The following NFIL3 variants were observed in gnomAD, a reference collection of about 807,000 sequenced individuals.
The protein encoded by NFIL3 is nuclear factor interleukin-3-regulated protein.
Under a neutral mutation model 10.0 loss-of-function variants are expected in NFIL3, and 5 were observed. The ratio of observed to expected loss-of-function variants is 0.50; its 90% CI spans 0.26 to 1.06. The LOEUF (loss-of-function observed/expected upper bound fraction) is 1.06, where lower values mean the gene tolerates loss of function less well. Ranked by LOEUF, NFIL3 falls within the 50% of genes least tolerant of loss-of-function variation. The pLI, the probability that NFIL3 is intolerant of heterozygous loss-of-function variation, is 0.13. For synonymous variants in NFIL3, 202 were observed against 206.5 expected (o/e 0.98, Z 0.19); for missense variants, 436 against 547.6 (o/e 0.80, Z 2.03).
chr9:91,409,949 C>T lies in NFIL3; in HGVS notation c.786G>A (p.Leu262=). The T allele has an allele frequency of 6.2e-7, 1 of 1,613,726 alleles. No individual in the cohort carries two copies. ...AGTTGCTGGAGGATCGGTTGACTTG[C>T]AGTAGTGGGGGAGAGTGTGAGTACC... The part of the protein sequence containing the change: ...FSGYSHSPPL[L]QVNRSSSNSP... Residue 262 remains leucine, a synonymous_variant, in exon 2 of 2, where the codon CTG becomes CTA. Coordinates refer to ENST00000297689, the MANE Select transcript of NFIL3 (RefSeq NM_005384.3).
chr9:91,483,412 C>G, the NFIL3 span, among the ~76,000 whole-genome samples: 1 of 152,118 alleles, frequency 6.6e-6, no homozygotes, highest in Non-Finnish European at 1.5e-5. Context: ...TTCTTCTGTC[C>G]CCAGCAGGAG....
chr9:91,465,481 C>G, the NFIL3 span, among the ~76,000 whole-genome samples: 1 of 143,114 alleles, frequency 7.0e-6, no homozygotes, highest in African/African-American at 2.7e-5. Context: ...CTTGTATTAT[C>G]CATGTTTTTT....
chr9:91,429,369 G>A, the NFIL3 span, among the ~76,000 whole-genome samples: 3 of 152,162 alleles, frequency 2.0e-5, no homozygotes, highest in Non-Finnish European at 4.4e-5. Flanking sequence ...AGCATGGGTT[G>A]ACTAACATGC....
the NFIL3 span, among the ~76,000 whole-genome samples, chr9:91,453,055 C>T: frequency 5.3e-5 from 8 of 152,140 alleles, no homozygotes; most frequent in African/African-American, 1.7e-4. Flanking sequence ...TCTCACAATT[C>T]TGAGGGCTAC....
chr9:91,474,451 T>A, the NFIL3 span, among the ~76,000 whole-genome samples: 1 of 152,190 alleles, frequency 6.6e-6, no homozygotes, highest in South Asian at 2.1e-4. Context: ...TGCTGCTCCT[T>A]GGCTTCTGTT....
At chr9:91,437,716 A>G in the NFIL3 span, among the ~76,000 whole-genome samples, 25 of 152,250 alleles carry the variant, frequency 1.6e-4, no homozygotes, top group African/African-American at 5.5e-4. Flanking sequence ...CTATCTCTGT[A>G]TATATGACTC....
At chr9:91,480,958 A>G in the NFIL3 span, among the ~76,000 whole-genome samples, 1 of 152,338 alleles carries the variant, frequency 6.6e-6, no homozygotes, top group East Asian at 1.9e-4. Flanking sequence ...AAGGGCGCGC[A>G]GAGGGTGACC....
chr9:91,478,252 T>G, the NFIL3 span, among the ~76,000 whole-genome samples: 17 of 152,286 alleles, frequency 1.1e-4, no homozygotes, highest in African/African-American at 3.4e-4. Flanking sequence ...GTTTTCCAGC[T>G]TGGTTCCATT....
chr9:91,469,867 C>T, the NFIL3 span, among the ~76,000 whole-genome samples: 1 of 152,146 alleles, frequency 6.6e-6, no homozygotes, highest in African/African-American at 2.4e-5. Flanking sequence ...AGCCTTGCAT[C>T]CCAGGGATGA....
the NFIL3 span, among the ~76,000 whole-genome samples, chr9:91,462,482 A>G: frequency 6.6e-6 from 1 of 152,128 alleles, no homozygotes; most frequent in Non-Finnish European, 1.5e-5. Flanking sequence ...GACCGTTGAT[A>G]TGATGTATTA....
chr9:91,411,675 A>AT (rs1009309945), intron 1 of NFIL3, among the ~76,000 whole-genome samples: 2 of 151,784 alleles, frequency 1.3e-5, no homozygotes, highest in Non-Finnish European at 1.5e-5. Flanking sequence ...AGAGATTAGA[A>AT]TTTTTTTTTC....
At chr9:91,434,850 A>T in the NFIL3 span, among the ~76,000 whole-genome samples, 623 of 150,676 alleles carry the variant, frequency 4.1e-3, 3 homozygotes, top group African/African-American at 0.014. Context: ...TATCGCAATT[A>T]AAAAAAAAAT....
chr9:91,475,221 TA>T, the NFIL3 span, among the ~76,000 whole-genome samples: 1 of 152,226 alleles, frequency 6.6e-6, no homozygotes, highest in Admixed American at 6.5e-5. Flanking sequence ...AATCTATCCA[TA>T]GATTGATCAC....
At chr9:91,466,461 G>T in the NFIL3 span, among the ~76,000 whole-genome samples, 1 of 152,144 alleles carries the variant, frequency 6.6e-6, no homozygotes, top group South Asian at 2.1e-4. Flanking sequence ...TTATGAGCAT[G>T]AGTTTGTTTT....
intron 1 of NFIL3, among the ~76,000 whole-genome samples, chr9:91,418,143 C>G (rs966624537): frequency 1.3e-5 from 2 of 152,112 alleles, no homozygotes; most frequent in Non-Finnish European, 2.9e-5. Context: ...ACAGAGTAAG[C>G]ACATACACGC....
the NFIL3 span, among the ~76,000 whole-genome samples, chr9:91,430,508 C>G: frequency 6.6e-6 from 1 of 152,092 alleles, no homozygotes; most frequent in South Asian, 2.1e-4. Context: ...CGAATACTGT[C>G]GCGGTGTGGT....
At chr9:91,439,908 G>T in the NFIL3 span, among the ~76,000 whole-genome samples, 1 of 151,988 alleles carries the variant, frequency 6.6e-6, no homozygotes, top group Admixed American at 6.6e-5. Context: ...TGTTGAATTC[G>T]GTTTGATAAT....
intron 1 of NFIL3, among the ~76,000 whole-genome samples, chr9:91,413,829 C>G (rs1425089860): frequency 6.6e-6 from 1 of 152,142 alleles, no homozygotes; most frequent in Non-Finnish European, 1.5e-5. Flanking sequence ...ATCATATGAT[C>G]CCTTGCAGAC....
chr9:91,451,747 C>T, the NFIL3 span, among the ~76,000 whole-genome samples: 17 of 152,292 alleles, frequency 1.1e-4, no homozygotes, highest in African/African-American at 4.1e-4. Flanking sequence ...TACACATGGG[C>T]ATTCATCATG....
Sources: gnomAD v4.1 joint callset for allele counts (sites outside exome capture counted in the v4.1 genomes callset) on GRCh38, gnomAD v4.1.1 for gene constraint, MANE v1.5 for transcripts, NCBI Gene and HGNC (gene_info 2026-07-23, HGNC 2026-07-21) for gene names.